KIT: variants seen among roughly 807,000 people sequenced by gnomAD.
KIT encodes the protein KIT proto-oncogene, receptor tyrosine kinase, also known as mast/stem cell growth factor receptor Kit.
A neutral mutation model predicts 105.7 loss-of-function variants in KIT; 16 were observed. The observed-to-expected ratio is 0.15, with a 90% CI of 0.10 to 0.23. The LOEUF (loss-of-function observed/expected upper bound fraction) is 0.23. Ranked by LOEUF, KIT falls within the 10% of genes least tolerant of loss-of-function variation. KIT has a pLI of 1.00. For synonymous variants in KIT, 438 were observed against 441.1 expected (o/e 0.99, Z 0.09); for missense variants, 858 against 1,213.8 (o/e 0.71, Z 4.36).
At position 54,729,321 on chromosome 4, in the gene KIT, T is replaced by C. The variant is rs1219762248; in HGVS notation, c.1991-14T>C. 1 of 1,613,082 alleles carries C rather than the reference T, an allele frequency of 6.2e-7. No individual in the cohort carries two copies. ...ATCTCACCTTCTTTCTAACCTTTTCTTATGTGCTTTTAGGGCCCACCCTGG... is the reference window on the plus strand; with the variant it reads ...ATCTCACCTTCTTTCTAACCTTTTCCTATGTGCTTTTAGGGCCCACCCTGG... On this transcript the variant is annotated splice_polypyrimidine_tract_variant and intron_variant, in intron 13 of 20. Coordinates refer to ENST00000288135, the MANE Select transcript of KIT (RefSeq NM_000222.3).
intron 4 of KIT, among the ~76,000 whole-genome samples, chr4:54,702,582 A>G (rs1217538779): frequency 6.6e-6 from 1 of 152,084 alleles, no homozygotes; most frequent in Non-Finnish European, 1.5e-5. Flanking sequence ...TTTAAGGTAC[A>G]TTCAATTTGT....
chr4:54,723,533 T>A (rs771433711), intron 7 of KIT, 51 bp from the exon 8 acceptor site: 36 of 1,196,114 alleles, frequency 3.0e-5, no homozygotes, highest in Non-Finnish European at 4.4e-5. Context: ...AAGTGAATGT[T>A]GCTGAGGTTT....
rs1720239362 is a variant in KIT, at chr4:54,698,548, T to A, written c.602T>A (p.Ile201Asn). The A allele has an allele frequency of 6.2e-7, 1 of 1,614,148 alleles. No individual in the cohort carries two copies. The highest frequency in any genetic ancestry group is 8.5e-7 in the Non-Finnish European group (1 of 1,180,012). The stretch of plus-strand genomic sequence containing the variant: ...AAGTCAGTGCTGTCGGAAAAATTCA[T>A]CCTGAAAGTGAGGCCAGGTACTGGC... ...EGKSVLSEKF[I>N]LKVRPAFKAV... Residue 201 changes from isoleucine (I) to asparagine (N), a missense_variant, in exon 3 of 21, where the codon ATC becomes AAC. Ile to Asn is a moderately radical substitution (Grantham distance 149, BLOSUM62 -3). Around this residue, in one of 7 missense-constraint regions of KIT, gnomAD observed 401 missense variants for 601.0 expected, o/e 0.67. Transcript: ENST00000288135.
chr4:54,722,835 A>C (rs1721964401), intron 7 of KIT, among the ~76,000 whole-genome samples: 1 of 135,724 alleles, frequency 7.4e-6, no homozygotes, highest in East Asian at 2.0e-4. Context: ...ATATGTATTT[A>C]TATATATTTA....
At chr4:54,703,504 C>A (rs866602271) in intron 4 of KIT, among the ~76,000 whole-genome samples, 1 of 151,838 alleles carries the variant, frequency 6.6e-6, no homozygotes, top group East Asian at 1.9e-4. Flanking sequence ...CGTTTTTTTC[C>A]CAATCGTTAA....
At chr4:54,689,187 C>A (rs1719524722) in intron 1 of KIT, among the ~76,000 whole-genome samples, 1 of 152,184 alleles carries the variant, frequency 6.6e-6, no homozygotes, top group East Asian at 1.9e-4. Context: ...CCATATAAAG[C>A]CTTTCTTAGT....
At chr4:54,705,466 A>G (rs770038350) in intron 5 of KIT, among the ~76,000 whole-genome samples, 7 of 152,218 alleles carry the variant, frequency 4.6e-5, no homozygotes, top group Non-Finnish European at 7.3e-5. Context: ...TTTAAGATAT[A>G]CAACATGATG....
intron 14 of KIT, 45 bp downstream of exon 14, chr4:54,729,530 A>G: frequency 6.3e-7 from 1 of 1,596,022 alleles, no homozygotes; most frequent in Non-Finnish European, 8.6e-7. Flanking sequence ...CAGGCAGTTC[A>G]TGGGGTCATA....
At position 54,671,715 on chromosome 4, in the gene KIT, G is replaced by A. The variant is rs988617567; in HGVS notation, c.67+13634G>A. 2.6e-5 allele frequency among the ~76,000 whole-genome samples: 4 copies of A among 152,108 alleles called. No homozygotes were observed. The East Asian group carries it at 5.8e-4, about 22-fold the overall frequency. ...TGCCTTCTAGAGTATTCCCTGGCTTGTTTGAAAATGTGTTAGCAGCCATTT... is the reference window on the plus strand; with the variant it reads ...TGCCTTCTAGAGTATTCCCTGGCTTATTTGAAAATGTGTTAGCAGCCATTT... On this transcript the variant is annotated intron_variant, in intron 1 of 20. Transcript: ENST00000288135.
chr4:54,701,553 A>G (rs1185762536), intron 4 of KIT, among the ~76,000 whole-genome samples: 1 of 152,130 alleles, frequency 6.6e-6, no homozygotes, highest in Non-Finnish European at 1.5e-5. Flanking sequence ...CTAAACCCTC[A>G]CATTTTTACT....
chr4:54,661,434 C>G (rs1310186310), intron 1 of KIT, among the ~76,000 whole-genome samples: 17 of 152,176 alleles, frequency 1.1e-4, no homozygotes. Flanking sequence ...CCTCAAGTCT[C>G]TTCCAGCTGA....
At chr4:54,733,249 G>A (rs1722718264) in intron 17 of KIT, 57 bp downstream of exon 17, 14 of 1,573,628 alleles carry the variant, frequency 8.9e-6, no homozygotes, top group South Asian at 8.9e-5. Flanking sequence ...TTCAACTTTC[G>A]ATAAAAATTG....
rs200945282 is a variant in KIT at position 54,727,462 on chromosome 4, G to T, written c.1694G>T (p.Gly565Val). The change falls in exon 11 of 21, where the codon GGA becomes GTA. Residue 565 changes from glycine (G) to valine (V), a missense_variant. By Grantham distance (109) the Gly-to-Val change is moderately radical. Transcript: ENST00000288135. ...TGGAAGGTTGTTGAGGAGATAAATGGAAACAATTATGTTTACATAGACCCA... is the reference window on the plus strand; with the variant it reads ...TGGAAGGTTGTTGAGGAGATAAATGTAAACAATTATGTTTACATAGACCCA... ...VQWKVVEEIN[G>V]NNYVYIDPTQ... 8.4e-5 allele frequency: 135 copies of T among 1,613,736 alleles called. No homozygotes were observed. The highest frequency in any genetic ancestry group is 1.6e-5 in the Non-Finnish European group (19 of 1,179,828).
intron 7 of KIT, among the ~76,000 whole-genome samples, chr4:54,716,712 G>T (rs1237932740): frequency 6.6e-6 from 1 of 152,118 alleles, no homozygotes; most frequent in Non-Finnish European, 1.5e-5. Flanking sequence ...GAAATGATGT[G>T]ACTGAATTTT....
intron 4 of KIT, among the ~76,000 whole-genome samples, chr4:54,701,958 T>C (rs1577961073): frequency 6.6e-6 from 1 of 152,170 alleles, no homozygotes; most frequent in South Asian, 2.1e-4. Context: ...TGTTACAAAC[T>C]AGAAAAGCCT....
intron 14 of KIT, 35 bp from the exon 15 acceptor site, chr4:54,731,293 C>G (rs1057071557): frequency 6.8e-7 from 1 of 1,477,572 alleles, no homozygotes; most frequent in Non-Finnish European, 9.5e-7. Flanking sequence ...ACATGTCCCA[C>G]TTGATTCAGT....
chr4:54,684,000 C>T (rs1719127651), intron 1 of KIT, among the ~76,000 whole-genome samples: 1 of 152,154 alleles, frequency 6.6e-6, no homozygotes, highest in African/African-American at 2.4e-5. Flanking sequence ...GAAAATGCTA[C>T]AGGAAAGGTG....
chr4:54,710,716 A>C (rs1721099928), intron 7 of KIT, among the ~76,000 whole-genome samples: 1 of 152,000 alleles, frequency 6.6e-6, no homozygotes, highest in Middle Eastern at 3.4e-3. Flanking sequence ...TGATTTCTGT[A>C]TTTTTAGTAG....
intron 4 of KIT, among the ~76,000 whole-genome samples, chr4:54,702,600 A>G (rs1268463424): frequency 1.3e-5 from 2 of 152,118 alleles, no homozygotes; most frequent in Admixed American, 6.6e-5. Context: ...TGTGCTTTTT[A>G]AGTAGGTAAA....
Sources: allele counts gnomAD v4.1 joint callset (sites outside exome capture counted in the v4.1 genomes callset), GRCh38; gene constraint gnomAD v4.1.1; regional missense constraint gnomAD v4.1.1; transcripts MANE v1.5; gene names NCBI Gene and HGNC (gene_info 2026-07-23, HGNC 2026-07-21).